FNDC3A: variants seen among roughly 807,000 people sequenced by gnomAD.
FNDC3A encodes the protein fibronectin type-III domain-containing protein 3A.
FNDC3A carries 32 observed loss-of-function variants against 148.9 expected under a neutral mutation model. The ratio of observed to expected loss-of-function variants is 0.21; its 90% CI spans 0.16 to 0.29. The LOEUF (loss-of-function observed/expected upper bound fraction) is 0.29, where lower values mean the gene tolerates loss of function less well. Ranked by LOEUF, FNDC3A falls within the 10% of genes least tolerant of loss-of-function variation. The pLI is 1.00. For missense variants in FNDC3A, 1,191 were observed against 1,452.8 expected, an observed-to-expected ratio of 0.82 and a Z score of 2.93; for synonymous variants, 472 against 473.6, an observed-to-expected ratio of 1.00 and a Z score of 0.04.
intron 2 of FNDC3A, among the ~76,000 whole-genome samples, chr13:49,068,373 AT>A (rs1877411590): frequency 6.7e-6 from 1 of 149,344 alleles, no homozygotes; most frequent in Non-Finnish European, 1.5e-5. Flanking sequence ...TAAAAAATAA[AT>A]TAATTAATTA....
chr13:49,036,092 A>T (rs1226733428), intron 2 of FNDC3A, among the ~76,000 whole-genome samples: 1 of 152,156 alleles, frequency 6.6e-6, no homozygotes, highest in Non-Finnish European at 1.5e-5. Flanking sequence ...TTGTGAATTG[A>T]TAGGATATTC....
chr13:49,165,968 G>T, intron 8 of FNDC3A, among the ~76,000 whole-genome samples: 1 of 152,140 alleles, frequency 6.6e-6, no homozygotes, highest in Non-Finnish European at 1.5e-5. Flanking sequence ...GGGCTAGGTA[G>T]TCCCCAGGCC....
At chr13:49,094,930 G>GA (rs1228229941) in intron 3 of FNDC3A, among the ~76,000 whole-genome samples, 7 of 151,842 alleles carry the variant, frequency 4.6e-5, no homozygotes, top group African/African-American at 1.5e-4. Flanking sequence ...TTTGTAATAA[G>GA]AAAAAACATT....
At chr13:48,986,281 C>T (rs766481527) in intron 1 of FNDC3A, among the ~76,000 whole-genome samples, 29 of 150,816 alleles carry the variant, frequency 1.9e-4, no homozygotes, top group South Asian at 1.1e-3. Context: ...ATATTTTGAT[C>T]CTCCCCTTTA....
At chr13:49,092,608 C>T (rs184767198) in intron 3 of FNDC3A, among the ~76,000 whole-genome samples, 9 of 152,094 alleles carry the variant, frequency 5.9e-5, no homozygotes, top group South Asian at 4.2e-4. Context: ...ATCATCACAC[C>T]GCCTTCATAC....
chr13:49,082,877 C>T (rs1308016610), intron 3 of FNDC3A, among the ~76,000 whole-genome samples: 2 of 152,086 alleles, frequency 1.3e-5, no homozygotes, highest in Non-Finnish European at 2.9e-5. Context: ...GAGGCAGTCA[C>T]TGACGCAATG....
chr13:49,092,396 G>A (rs1440967802), intron 3 of FNDC3A, among the ~76,000 whole-genome samples: 1 of 152,180 alleles, frequency 6.6e-6, no homozygotes, highest in African/African-American at 2.4e-5. Context: ...TAGGAGGAAT[G>A]TCTCAACAGT....
intron 2 of FNDC3A, among the ~76,000 whole-genome samples, chr13:49,020,561 C>A (rs1873244495): frequency 6.6e-6 from 1 of 152,202 alleles, no homozygotes; most frequent in South Asian, 2.1e-4. Context: ...CACCTGAGAC[C>A]CAGCCCCTAA....
intron 7 of FNDC3A, among the ~76,000 whole-genome samples, chr13:49,140,184 G>A (rs975793732): frequency 6.6e-6 from 1 of 151,946 alleles, no homozygotes; most frequent in Non-Finnish European, 1.5e-5. Flanking sequence ...AACAAATACA[G>A]ATACTACAGA....
At chr13:49,079,613 A>C (rs570657686) in intron 3 of FNDC3A, among the ~76,000 whole-genome samples, 1 of 152,350 alleles carries the variant, frequency 6.6e-6, no homozygotes, top group South Asian at 2.1e-4. Flanking sequence ...ATTGCTAAAA[A>C]GTTGTGTAAA....
intron 11 of FNDC3A, 24 bp downstream of exon 11, chr13:49,172,120 A>C (rs746823007): frequency 6.9e-7 from 1 of 1,452,016 alleles, no homozygotes; most frequent in Non-Finnish European, 9.6e-7. Flanking sequence ...ATCTTTTTAA[A>C]TGGTTAACAT....
At chr13:49,156,625 T>G (rs999511544) in intron 8 of FNDC3A, among the ~76,000 whole-genome samples, 78 of 151,574 alleles carry the variant, frequency 5.1e-4, no homozygotes, top group African/African-American at 1.8e-3. Context: ...TCGATGGTCT[T>G]TACATTTTGG....
chr13:49,131,357 A>T lies in FNDC3A; in HGVS notation c.473A>T (p.Gln158Leu). 6.2e-7 allele frequency: 1 copy of T among 1,611,066 alleles called. No homozygotes were observed. The highest frequency in any genetic ancestry group is 1.1e-5 in the South Asian group (1 of 91,026). ...TQYMPQYQSS[Q>L]VYGDVDAHST... Reference sequence around the variant, plus strand: ...TATATGCCACAGTATCAGTCTTCACAAGTCTATGGAGATGTAGGTAAGACA... The same window carrying T: ...TATATGCCACAGTATCAGTCTTCACTAGTCTATGGAGATGTAGGTAAGACA... Residue 158 changes from glutamine to leucine, a missense_variant, in exon 5 of 26, where the codon CAA becomes CTA. Gln to Leu is a moderately radical substitution (Grantham distance 113). Transcript: ENST00000492622.
At chr13:49,026,996 A>G (rs2137655321) in intron 2 of FNDC3A, among the ~76,000 whole-genome samples, 1 of 152,308 alleles carries the variant, frequency 6.6e-6, no homozygotes, top group Middle Eastern at 3.4e-3. Flanking sequence ...TGAAATAGAA[A>G]GTAAAGGGGG....
rs150928761 is a variant in FNDC3A at position 49,137,431 on chromosome 13, G to A, written c.760+830G>A. On this transcript the variant is annotated intron_variant, in intron 6 of 25. Transcript: ENST00000492622. ...GCAATGTCAGCTCACTGCAACCTCCGCCTCCTGTGTTGAAGCGATTCTCGT... is the reference window on the plus strand; with the variant it reads ...GCAATGTCAGCTCACTGCAACCTCCACCTCCTGTGTTGAAGCGATTCTCGT... Among the ~76,000 whole-genome samples the A allele has an allele frequency of 8.7e-3, 1,326 of 152,192 alleles. 9 individuals are homozygous for A. The highest frequency in any genetic ancestry group is 0.027 in the Middle Eastern group (8 of 294).
rs11450075 is a variant in FNDC3A, at chr13:49,115,198, TA to T, written c.252+479del. Among the ~76,000 whole-genome samples, 672 of 140,358 alleles carry T rather than the reference TA, an allele frequency of 4.8e-3. 2 individuals are homozygous for T. The highest frequency in any genetic ancestry group is 0.017 in the South Asian group (77 of 4,462). 92.1% of individuals were successfully genotyped at this position (140,358 alleles called of 152,430 possible). A position where few individuals can be genotyped will look rare whatever the true frequency, so the allele number is the denominator to read the frequency against. On this transcript the variant is annotated intron_variant, in intron 4 of 25. Coordinates refer to ENST00000492622, the MANE Select transcript of FNDC3A (RefSeq NM_001079673.2). ...CTGAGGGATGAGGGGGGGGGGGAAA[TA>T]AAAAAAAAAAATCAGTATCTCCATA...
intron 14 of FNDC3A, 75 bp from the exon 15 acceptor site, chr13:49,185,889 C>A: frequency 8.5e-7 from 1 of 1,182,212 alleles, no homozygotes. Flanking sequence ...TGTTTGTCTC[C>A]TATCACTTTG....
At chr13:49,078,018 C>G (rs769007664) in intron 3 of FNDC3A, among the ~76,000 whole-genome samples, 6 of 152,148 alleles carry the variant, frequency 3.9e-5, no homozygotes, top group Non-Finnish European at 8.8e-5. Flanking sequence ...GAGCACACAT[C>G]TAGGTTTGTA....
intron 3 of FNDC3A, among the ~76,000 whole-genome samples, chr13:49,088,132 A>G (rs1259983061): frequency 1.3e-5 from 2 of 152,162 alleles, no homozygotes; most frequent in Non-Finnish European, 2.9e-5. Context: ...ATATCTAACC[A>G]TTTTTAACCT....
Sources: gnomAD v4.1 joint callset for allele counts (sites outside exome capture counted in the v4.1 genomes callset) on GRCh38, gnomAD v4.1.1 for gene constraint, MANE v1.5 for transcripts, NCBI Gene and HGNC (gene_info 2026-07-23, HGNC 2026-07-21) for gene names.